The following RORA variants were observed in gnomAD, a reference collection of about 807,000 sequenced individuals.
RORA encodes the protein RAR related orphan receptor A, also known as nuclear receptor ROR-alpha.
Under a neutral mutation model 69.5 loss-of-function variants are expected in RORA, and 7 were observed. The ratio of observed to expected loss-of-function variants is 0.10; its 90% CI spans 0.06 to 0.19. The LOEUF (loss-of-function observed/expected upper bound fraction) is 0.19. Among genes scored for constraint, RORA ranks in the 10% least tolerant of loss-of-function variants. The pLI, the probability that RORA is intolerant of heterozygous loss-of-function variation, is 1.00. For missense variants in RORA, 457 were observed against 663.0 expected, an observed-to-expected ratio of 0.69 and a Z score of 3.41; for synonymous variants, 261 against 240.8, an observed-to-expected ratio of 1.08 and a Z score of -0.78.
intron 1 of RORA, among the ~76,000 whole-genome samples, chr15:61,120,822 G>A (rs373087429): frequency 2.6e-5 from 4 of 151,358 alleles, no homozygotes; most frequent in Non-Finnish European, 5.9e-5. Flanking sequence ...AATTTATTGA[G>A]GTTAAAAATC....
chr15:60,516,173 T>TAAA (rs2065927407), intron 3 of RORA, among the ~76,000 whole-genome samples: 1 of 34,726 alleles, frequency 2.9e-5, no homozygotes, highest in African/African-American at 1.0e-4. Context: ...ATATATATAT[T>TAAA]TATATATATA....
At position 60,600,588 on chromosome 15, in the gene RORA, G is replaced by T. The variant is rs340028; in HGVS notation, c.197-68737C>A. Among the ~76,000 whole-genome samples the T allele has an allele frequency of 2.4e-3, 358 of 152,186 alleles. 1 individual carries two copies. Among genetic ancestry groups the T allele is most frequent in the African/African-American group, 8.1e-3 (337 of 41,526 alleles). On this transcript the variant is annotated intron_variant, in intron 2 of 10. Coordinates refer to ENST00000335670, the MANE Select transcript of RORA (RefSeq NM_134261.3). ...TGAGCGCTAAAACAAGAATAGATTTGGGTATTTTTTGTTTTAATAAAAAGG... is the reference window on the plus strand; with the variant it reads ...TGAGCGCTAAAACAAGAATAGATTTTGGTATTTTTTGTTTTAATAAAAAGG...
intron 1 of RORA, among the ~76,000 whole-genome samples, chr15:61,107,865 C>G (rs2078966592): frequency 6.6e-6 from 1 of 152,054 alleles, no homozygotes; most frequent in Admixed American, 6.6e-5. Context: ...CCATTCACTC[C>G]ATCCACCAGT....
intron 2 of RORA, among the ~76,000 whole-genome samples, chr15:60,616,269 G>T (rs2069241045): frequency 6.6e-6 from 1 of 152,088 alleles, no homozygotes; most frequent in South Asian, 2.1e-4. Flanking sequence ...ATCCCATAAG[G>T]GTGTGTGTGC....
chr15:60,606,488 G>A (rs551210223), intron 2 of RORA, among the ~76,000 whole-genome samples: 1 of 152,162 alleles, frequency 6.6e-6, no homozygotes, highest in African/African-American at 2.4e-5. Flanking sequence ...AAGCACAGAA[G>A]CATTTTCTAG....
chr15:61,204,201 T>C (rs970825891), intron 1 of RORA, among the ~76,000 whole-genome samples: 4 of 152,158 alleles, frequency 2.6e-5, no homozygotes, highest in African/African-American at 9.7e-5. Context: ...AGATCCAAGC[T>C]GAGACTCACC....
chr15:60,744,772 G>C (rs1360834647), intron 1 of RORA, among the ~76,000 whole-genome samples: 1 of 152,216 alleles, frequency 6.6e-6, no homozygotes, highest in African/African-American at 2.4e-5. Context: ...ATGGTTCTGA[G>C]ACTGATTCTG....
intron 1 of RORA, among the ~76,000 whole-genome samples, chr15:60,801,835 T>C (rs1346832116): frequency 6.6e-6 from 1 of 152,246 alleles, no homozygotes; most frequent in African/African-American, 2.4e-5. Flanking sequence ...CTGTATGGTA[T>C]AAAATTTGTT....
At chr15:61,114,549 A>G (rs1566995424) in intron 1 of RORA, among the ~76,000 whole-genome samples, 2 of 152,184 alleles carry the variant, frequency 1.3e-5, no homozygotes, top group Non-Finnish European at 2.9e-5. Flanking sequence ...ATTAATATTT[A>G]CCTCTGTTAC....
chr15:61,205,972 C>T (rs1031292166), intron 1 of RORA, among the ~76,000 whole-genome samples: 6 of 152,178 alleles, frequency 3.9e-5, no homozygotes, highest in Non-Finnish European at 8.8e-5. Context: ...TTCTAGGCCT[C>T]GGTCCTCTAA....
At chr15:60,713,953 GTCATT>G (rs2071181359) in intron 1 of RORA, among the ~76,000 whole-genome samples, 1 of 152,140 alleles carries the variant, frequency 6.6e-6, no homozygotes, top group Non-Finnish European at 1.5e-5. Context: ...AAGCTCTCTA[GTCATT>G]TCAAATGAGT....
At chr15:60,686,156 A>C (rs2070744836) in intron 1 of RORA, among the ~76,000 whole-genome samples, 1 of 152,210 alleles carries the variant, frequency 6.6e-6, no homozygotes, top group Non-Finnish European at 1.5e-5. Context: ...GGCAGACCAG[A>C]AGTATGCCCT....
chr15:60,788,716 T>C (rs2072375120), intron 1 of RORA, among the ~76,000 whole-genome samples: 1 of 152,082 alleles, frequency 6.6e-6, no homozygotes, highest in Non-Finnish European at 1.5e-5. Context: ...CCCTGCCTCA[T>C]TGCTCCAAGC....
intron 1 of RORA, among the ~76,000 whole-genome samples, chr15:61,097,786 G>A (rs183937535): frequency 1.3e-5 from 2 of 152,196 alleles, no homozygotes; most frequent in African/African-American, 4.8e-5. Flanking sequence ...AATTAAGTCT[G>A]ATACACCATT....
intron 1 of RORA, among the ~76,000 whole-genome samples, chr15:60,744,065 A>G (rs2071614512): frequency 6.6e-6 from 1 of 151,938 alleles, no homozygotes; most frequent in Non-Finnish European, 1.5e-5. Context: ...GGTTGAAAAA[A>G]AAAAGTTCTG....
At chr15:60,894,116 T>A (rs905774511) in intron 1 of RORA, among the ~76,000 whole-genome samples, 1 of 151,968 alleles carries the variant, frequency 6.6e-6, no homozygotes, top group Non-Finnish European at 1.5e-5. Context: ...CTCCAAAGAC[T>A]CCCTCCACCA....
intron 2 of RORA, among the ~76,000 whole-genome samples, chr15:60,542,702 GGGCACACCTCCCACACACGGCACACA>G (rs1567073658): frequency 5.8e-4 from 66 of 114,602 alleles, no homozygotes; most frequent in African/African-American, 2.3e-3. Context: ...CACGGCACAC[GGGCACACCTCCCACACACGGCACACA>G]GGCACACCTC....
At position 60,880,308 on chromosome 15, in the gene RORA, C is replaced by A. The variant is rs558977825; in HGVS notation, c.167-201622G>T. 6.6e-5 allele frequency among the ~76,000 whole-genome samples: 10 copies of A among 152,320 alleles called. 1 individual carries two copies. The South Asian group carries it at 2.1e-3, about 32-fold the overall frequency. On this transcript the variant is annotated intron_variant, in intron 1 of 10. Transcript: ENST00000335670. ...GGTCCTAATTTCTCAACAATGATTT[C>A]TATTAGGTCAACCCTACTGTCACTT... is the stretch of plus-strand genomic sequence containing the variant.
intron 2 of RORA, among the ~76,000 whole-genome samples, chr15:60,672,700 A>C (rs1334138306): frequency 1.3e-5 from 2 of 152,214 alleles, no homozygotes; most frequent in Non-Finnish European, 2.9e-5. Context: ...TCTTATTTAA[A>C]ATGCGGGTGC....
Sources: allele counts gnomAD v4.1 joint callset (sites outside exome capture counted in the v4.1 genomes callset), GRCh38; gene constraint gnomAD v4.1.1; transcripts MANE v1.5; gene names NCBI Gene and HGNC (gene_info 2026-07-23, HGNC 2026-07-21).